KIAA1671: variants seen among roughly 807,000 people sequenced by gnomAD.
KIAA1671 encodes the protein uncharacterized protein KIAA1671.
KIAA1671 carries 52 observed loss-of-function variants against 131.2 expected under a neutral mutation model. The ratio of observed to expected loss-of-function variants is 0.40; its 90% CI spans 0.32 to 0.50. KIAA1671 has a LOEUF of 0.50. Ranked by LOEUF, KIAA1671 falls within the 20% of genes least tolerant of loss-of-function variation. The probability of loss-of-function intolerance (pLI) is 0.73; values close to 1 mark genes in which losing one functional copy is unlikely to be tolerated. For synonymous variants in KIAA1671, 1,003 were observed against 961.6 expected, an observed-to-expected ratio of 1.04 and a Z score of -0.80; for missense variants, 2,360 against 2,364.2, an observed-to-expected ratio of 1.00 and a Z score of 0.04.
At chr22:24,971,276 C>T (rs1602034590) in intron 1 of KIAA1671, among the ~76,000 whole-genome samples, 1 of 152,188 alleles carries the variant, frequency 6.6e-6, no homozygotes, top group Non-Finnish European at 1.5e-5. Flanking sequence ...ATTGATACTA[C>T]TATCTAGCTG....
At chr22:25,076,516 C>A (rs552463041) in intron 6 of KIAA1671, among the ~76,000 whole-genome samples, 11 of 152,264 alleles carry the variant, frequency 7.2e-5, no homozygotes, top group African/African-American at 2.6e-4. Flanking sequence ...ACCACTATCA[C>A]CATCAAGCTT....
At chr22:25,089,527 G>C (rs56311822) in intron 6 of KIAA1671, among the ~76,000 whole-genome samples, 1 of 152,064 alleles carries the variant, frequency 6.6e-6, no homozygotes, top group South Asian at 2.1e-4. Context: ...ACCCGCCTCA[G>C]CCTCTCAAAG....
At chr22:25,058,269 C>T (rs997003830) in intron 6 of KIAA1671, 28 of 152,218 alleles carry the variant, frequency 1.8e-4, no homozygotes, top group African/African-American at 6.5e-4. Context: ...AGTCCCCATA[C>T]ACCCACACCC....
At chr22:25,116,495 C>A (rs1176750417) in intron 6 of KIAA1671, among the ~76,000 whole-genome samples, 1 of 151,964 alleles carries the variant, frequency 6.6e-6, no homozygotes, top group African/African-American at 2.4e-5. Flanking sequence ...AGTCTTGGCT[C>A]ACTGCAACCT....
chr22:24,995,082 G>A lies in KIAA1671; in HGVS notation c.-207-30551G>A, dbSNP rs540568930. Among the ~76,000 whole-genome samples the A allele has an allele frequency of 5.4e-5, 8 of 147,572 alleles. No individual in the cohort carries two copies. In the South Asian group the frequency reaches 6.5e-4, roughly 12 times the overall value. ...TTTTTTTAATTTGAGACAGAATCTC[G>A]CTCTCTCACCCAGGCTGGAGTGCAG... On this transcript the variant is annotated intron_variant, in intron 1 of 12. Transcript: ENST00000358431.
At position 25,082,593 on chromosome 22, in the gene KIAA1671, G is replaced by C. The variant is rs563698601; in HGVS notation, c.4530+33229G>C. ...CATGCCTGTAATCTCAGAACCTTGG[G>C]AGGCCCAGGTGGGAGGATCACTTGA... On this transcript the variant is annotated intron_variant, in intron 6 of 12. Transcript: ENST00000358431. Among the ~76,000 whole-genome samples the C allele has an allele frequency of 2.6e-5, 4 of 152,342 alleles. No homozygotes were observed. In the East Asian group the frequency reaches 7.7e-4, roughly 29 times the overall value.
At chr22:24,960,862 G>A (rs1482063431) in intron 1 of KIAA1671, among the ~76,000 whole-genome samples, 1 of 152,054 alleles carries the variant, frequency 6.6e-6, no homozygotes, top group Non-Finnish European at 1.5e-5. Context: ...ACAGCTGTGC[G>A]AGAGACAGCC....
At chr22:25,012,705 T>C (rs1179860120) in intron 1 of KIAA1671, 1 of 152,176 alleles carries the variant, frequency 6.6e-6, no homozygotes, top group East Asian at 1.9e-4. Context: ...ATAAAAACAA[T>C]CAGCTGCTAC....
At chr22:25,016,420 G>GA (rs2123883719) in intron 1 of KIAA1671, among the ~76,000 whole-genome samples, 1 of 152,242 alleles carries the variant, frequency 6.6e-6, no homozygotes, top group East Asian at 1.9e-4. Context: ...GAGAGAAGTG[G>GA]AAAACACAGA....
intron 6 of KIAA1671, among the ~76,000 whole-genome samples, chr22:25,106,007 C>T (rs6004439): frequency 1.3e-5 from 2 of 152,288 alleles, no homozygotes; most frequent in South Asian, 4.1e-4. Context: ...ATGCCTGGCA[C>T]ATAGTAAGTG....
At chr22:25,123,188 AG>A in intron 6 of KIAA1671, among the ~76,000 whole-genome samples, 1 of 116,158 alleles carries the variant, frequency 8.6e-6, no homozygotes, top group African/African-American at 3.4e-5. Context: ...TTCTGAGATG[AG>A]GTTTTTTTTT....
At chr22:25,177,848 T>G (rs1934094732) in intron 9 of KIAA1671, among the ~76,000 whole-genome samples, 1 of 151,940 alleles carries the variant, frequency 6.6e-6, no homozygotes, top group Non-Finnish European at 1.5e-5. Context: ...TGGGCAGCCT[T>G]GGGTTCCCAT....
chr22:25,113,913 C>T (rs1430692517), intron 6 of KIAA1671, among the ~76,000 whole-genome samples: 4 of 152,222 alleles, frequency 2.6e-5, no homozygotes, highest in Non-Finnish European at 5.9e-5. Context: ...GTTTGTTTCT[C>T]TGTCACTCCT....
At chr22:24,995,060 T>C (rs1472536681) in intron 1 of KIAA1671, among the ~76,000 whole-genome samples, 1 of 151,062 alleles carries the variant, frequency 6.6e-6, no homozygotes, top group Non-Finnish European at 1.5e-5. Flanking sequence ...TTTTTTTTTT[T>C]TTTAATTTGA....
At position 24,962,247 on chromosome 22, in the gene KIAA1671, C is replaced by T. The variant is rs564618832; in HGVS notation, c.-208+9475C>T. ...AATCCCAGCTGTGCTCGTTGTGGGC[C>T]ACGTGACTTTTGATCAGCCTCATCA... On this transcript the variant is annotated intron_variant, in intron 1 of 12. Transcript: ENST00000358431. 2.6e-5 allele frequency among the ~76,000 whole-genome samples: 4 copies of T among 152,254 alleles called. No individual in the cohort carries two copies. In the South Asian group the frequency reaches 8.3e-4, roughly 32 times the overall value.
At chr22:25,008,735 A>T (rs1281031378) in intron 1 of KIAA1671, among the ~76,000 whole-genome samples, 1 of 152,254 alleles carries the variant, frequency 6.6e-6, no homozygotes, top group Non-Finnish European at 1.5e-5. Flanking sequence ...TTTGAGGATG[A>T]TAATGACTAA....
Position 25,196,538 on chromosome 22 carries a change from A to G in KIAA1671, c.*4137A>G, listed in dbSNP as rs1934834785. Reference sequence around the variant, plus strand: ...CAGCCTCCAACTCCTGGGCTCAAGCAATCCTCTCATCTCCACCTCCAGAGT... The same window carrying G: ...CAGCCTCCAACTCCTGGGCTCAAGCGATCCTCTCATCTCCACCTCCAGAGT... On this transcript the variant is annotated 3_prime_UTR_variant, in exon 13 of 13. Transcript: ENST00000358431. The G allele has an allele frequency of 6.6e-6, 1 of 152,078 alleles. No individual in the cohort carries two copies. Among genetic ancestry groups the G allele is most frequent in the African/African-American group, 2.4e-5 (1 of 41,392 alleles). The allele number at this position is 152,078 out of a possible 1,614,324, so 9.4% of individuals were successfully genotyped here. A position where few individuals can be genotyped will look rare whatever the true frequency, so the allele number is the denominator to read the frequency against.
chr22:25,165,528 T>C (rs763614985), intron 6 of KIAA1671, among the ~76,000 whole-genome samples: 3 of 152,242 alleles, frequency 2.0e-5, no homozygotes, highest in Non-Finnish European at 4.4e-5. Context: ...CTGTTCAGCA[T>C]GGTGGGTGGC....
At chr22:25,077,339 G>A (rs1311314818) in intron 6 of KIAA1671, among the ~76,000 whole-genome samples, 1 of 152,174 alleles carries the variant, frequency 6.6e-6, no homozygotes, top group Non-Finnish European at 1.5e-5. Flanking sequence ...TAAGAATAAG[G>A]GGCATTAGTG....
Sources: gnomAD v4.1 joint callset for allele counts (sites outside exome capture counted in the v4.1 genomes callset) on GRCh38, gnomAD v4.1.1 for gene constraint, MANE v1.5 for transcripts, NCBI Gene and HGNC (gene_info 2026-07-23, HGNC 2026-07-21) for gene names.